MED1: variants seen among roughly 807,000 people sequenced by gnomAD.
The protein encoded by MED1 is mediator of RNA polymerase II transcription subunit 1.
A neutral mutation model predicts 121.3 loss-of-function variants in MED1; 17 were observed. The observed-to-expected ratio is 0.14, with a 90% CI of 0.10 to 0.21. The LOEUF (loss-of-function observed/expected upper bound fraction) is 0.21. Ranked by LOEUF, MED1 falls within the 10% of genes least tolerant of loss-of-function variation. The pLI is 1.00. For synonymous variants in MED1, 661 were observed against 694.4 expected (o/e 0.95, Z 0.76); for missense variants, 1,558 against 1,919.4 (o/e 0.81, Z 3.52).
chr17:39,411,941 AG>A (rs2048359169), intron 16 of MED1, among the ~76,000 whole-genome samples: 1 of 151,330 alleles, frequency 6.6e-6, no homozygotes, highest in South Asian at 2.1e-4. Context: ...CGGGAAGCAG[AG>A]GTTGCAGTGA....
chr17:39,431,137 G>A lies in MED1; in HGVS notation c.627C>T (p.Gly209=). The change falls in exon 9 of 17, where the codon GGC becomes GGT. Residue 209 remains glycine, a synonymous_variant. Transcript: ENST00000300651. The part of the protein sequence containing the change: ...PLDKILHGSV[G]YLTPRSGGHL... ...TACCCCCACTCCTTGGTGTGAGATA[G>A]CCAACACTTCCATGAAGAATCTTAT... is the stretch of plus-strand genomic sequence containing the variant. The A allele has an allele frequency of 1.2e-6, 2 of 1,613,546 alleles. No individual in the cohort carries two copies. Among genetic ancestry groups the A allele is most frequent in the South Asian group, 1.1e-5 (1 of 91,076 alleles).
In MED1 at chr17:39,414,634, CTTTTTTTTTTT is replaced by C. The variant is rs55829399; in HGVS notation, c.1499+381_1499+391del. Among the ~76,000 whole-genome samples the C allele has an allele frequency of 4.2e-4, 26 of 61,558 alleles. 2 individuals are homozygous for C. The highest frequency in any genetic ancestry group is 6.5e-4 in the African/African-American group (10 of 15,294). The allele number at this position is 61,558 out of a possible 152,430, so 40.4% of individuals were successfully genotyped here. A position where few individuals can be genotyped will look rare whatever the true frequency, so the allele number is the denominator to read the frequency against. On this transcript the variant is annotated intron_variant, in intron 16 of 16. Coordinates refer to ENST00000300651, the MANE Select transcript of MED1 (RefSeq NM_004774.4). Reference sequence around the variant, plus strand: ...ACAGGCGTGAGCCACCAGGCCCGGCCTTTTTTTTTTTTTTTTTTTTTTTTTTTTTTTTTTTT... The same window carrying C: ...ACAGGCGTGAGCCACCAGGCCCGGCCTTTTTTTTTTTTTTTTTTTTTTTTT...
chr17:39,406,712 G>A lies in MED1; in HGVS notation c.*763C>T. 1.0e-6 allele frequency: 1 copy of A among 985,192 alleles called. No individual in the cohort carries two copies. Among genetic ancestry groups the A allele is most frequent in the Non-Finnish European group, 1.2e-6 (1 of 829,822 alleles). 61.0% of individuals were successfully genotyped at this position (985,192 alleles called of 1,614,324 possible). ...TTTTCTATTATATTTAACTCTAAAG[G>A]CGGGCTCTGACTAATTTGCTTGGGC... On this transcript the variant is annotated 3_prime_UTR_variant, in exon 17 of 17. Transcript: ENST00000300651.
At chr17:39,444,846 G>C (rs534672690) in intron 2 of MED1, among the ~76,000 whole-genome samples, 1 of 151,876 alleles carries the variant, frequency 6.6e-6, no homozygotes, top group Non-Finnish European at 1.5e-5. Flanking sequence ...TCCAACCTTG[G>C]TGACAGAGTG....
At chr17:39,438,059 A>G (rs2048636514) in intron 6 of MED1, among the ~76,000 whole-genome samples, 2 of 151,624 alleles carry the variant, frequency 1.3e-5, no homozygotes. Flanking sequence ...AAAAAACAGA[A>G]AAGAAAAGAA....
At chr17:39,437,944 AT>A (rs1335034261) in intron 6 of MED1, among the ~76,000 whole-genome samples, 1 of 152,116 alleles carries the variant, frequency 6.6e-6, no homozygotes, top group Admixed American at 6.6e-5. Flanking sequence ...CACCAAAAAA[AT>A]AAAAATAAAA....
chr17:39,413,739 T>A (rs1262113164), intron 16 of MED1, among the ~76,000 whole-genome samples: 2 of 150,612 alleles, frequency 1.3e-5, no homozygotes, highest in African/African-American at 4.9e-5. Flanking sequence ...TGTCTCAAAA[T>A]AAAAAAATAA....
chr17:39,420,640 A>G (rs182759081), intron 13 of MED1, among the ~76,000 whole-genome samples: 67 of 151,918 alleles, frequency 4.4e-4, no homozygotes, highest in African/African-American at 1.5e-3. Flanking sequence ...TATTATTATT[A>G]TTATTACTTT....
At position 39,415,292 on chromosome 17, in the gene MED1, G is replaced by A. The variant is rs752332448; in HGVS notation, c.1345C>T (p.Arg449Cys). The change falls in exon 15 of 17, where the codon CGT becomes TGT. Residue 449 changes from arginine (R) to cysteine (C), a missense_variant. Physicochemically the swap from Arg to Cys is radical, Grantham distance 180. Around this residue, in one of 5 missense-constraint regions of MED1, gnomAD observed 443 missense variants for 532.4 expected, o/e 0.83. Transcript: ENST00000300651. ...GGGTGCTGAAAAGATACGCTGAAAC[G>A]AGACTCTGAGAGAGGACACACTTCA... ...QFEVCPLSES[R>C]FSVSFQHPVN... 33 of 1,613,722 alleles carry A rather than the reference G, an allele frequency of 2.0e-5. No individual in the cohort carries two copies. The highest frequency in any genetic ancestry group is 4.5e-5 in the East Asian group (2 of 44,894).
intron 1 of MED1, 98 bp from the exon 2 acceptor site, chr17:39,448,002 A>G: frequency 1.3e-6 from 1 of 750,848 alleles, no homozygotes; most frequent in Non-Finnish European, 2.2e-6. Context: ...TCACAGTAAG[A>G]ATTCAGTTAA....
At chr17:39,437,214 G>C (rs548106299) in intron 6 of MED1, among the ~76,000 whole-genome samples, 1 of 152,204 alleles carries the variant, frequency 6.6e-6, no homozygotes, top group Non-Finnish European at 1.5e-5. Context: ...TTACAGGCAT[G>C]AGCCATCGCG....
chr17:39,409,878 G>A lies in MED1; in HGVS notation c.2343C>T (p.Asp781=), dbSNP rs2048339765. The A allele has an allele frequency of 4.3e-6, 7 of 1,614,058 alleles. No individual in the cohort carries two copies. The highest frequency in any genetic ancestry group is 5.9e-6 in the Non-Finnish European group (7 of 1,180,030). The change falls in exon 17 of 17, where the codon GAC becomes GAT. Residue 781 remains aspartate, a synonymous_variant. Transcript: ENST00000300651. ...CTTCTTCTGCAATGTCTGAAAGGATGTCAGTTACATCTGGGCCAATGCTGT... is the reference window on the plus strand; with the variant it reads ...CTTCTTCTGCAATGTCTGAAAGGATATCAGTTACATCTGGGCCAATGCTGT... ...SSDSIGPDVT[D]ILSDIAEEAS...
intron 16 of MED1, among the ~76,000 whole-genome samples, chr17:39,412,563 G>A (rs1172797117): frequency 2.2e-5 from 3 of 135,218 alleles, no homozygotes; most frequent in African/African-American, 8.4e-5. Context: ...CTTTGAGACA[G>A]AGTCTCGCTC....
chr17:39,423,854 C>A, intron 11 of MED1, 33 bp from the exon 12 acceptor site: 1 of 1,565,668 alleles, frequency 6.4e-7, no homozygotes, highest in East Asian at 2.2e-5. Flanking sequence ...GGGTTGGATT[C>A]TGACTTGATA....
intron 14 of MED1, among the ~76,000 whole-genome samples, chr17:39,417,193 G>A (rs4795361): frequency 0.62 from 93,766 of 151,604 alleles, 32,113 homozygotes; most frequent in South Asian, 0.89. Context: ...AGCCTGGCAT[G>A]GTGGTGGATA....
Position 39,451,071 on chromosome 17 carries a change from C to T in MED1, c.-9G>A, listed in dbSNP as rs907881507. 5.1e-5 allele frequency: 82 copies of T among 1,610,376 alleles called. No homozygotes were observed. Among genetic ancestry groups the T allele is most frequent in the Non-Finnish European group, 6.5e-5 (77 of 1,178,602 alleles). Reference sequence around the variant, plus strand: ...TCCCCCTGAGCTTTCATCCTGAAGGCGAGGAGAAGCTAGATCCGCCACAAA... The same window carrying T: ...TCCCCCTGAGCTTTCATCCTGAAGGTGAGGAGAAGCTAGATCCGCCACAAA... On this transcript the variant is annotated 5_prime_UTR_variant, in exon 1 of 17. Coordinates refer to ENST00000300651, the MANE Select transcript of MED1 (RefSeq NM_004774.4).
intron 7 of MED1, among the ~76,000 whole-genome samples, chr17:39,432,566 G>A (rs1597867248): frequency 1.3e-5 from 2 of 151,178 alleles, no homozygotes; most frequent in Admixed American, 6.6e-5. Context: ...TGGGCAACAC[G>A]GTGAAACCCC....
At chr17:39,422,005 G>A (rs903776725) in intron 13 of MED1, among the ~76,000 whole-genome samples, 1 of 149,668 alleles carries the variant, frequency 6.7e-6, no homozygotes, top group Admixed American at 6.7e-5. Context: ...GCAGGCGCCT[G>A]TAGTCCCAGC....
intron 10 of MED1, among the ~76,000 whole-genome samples, chr17:39,427,079 C>A (rs2048521755): frequency 6.6e-6 from 1 of 152,132 alleles, no homozygotes; most frequent in Non-Finnish European, 1.5e-5. Flanking sequence ...AACTACCAGG[C>A]CCATCCTTCT....
Sources: allele counts gnomAD v4.1 joint callset (sites outside exome capture counted in the v4.1 genomes callset), GRCh38; gene constraint gnomAD v4.1.1; regional missense constraint gnomAD v4.1.1; transcripts MANE v1.5; gene names NCBI Gene and HGNC (gene_info 2026-07-23, HGNC 2026-07-21).